DNMT3A: variants seen among roughly 807,000 people sequenced by gnomAD.
DNMT3A encodes DNA (cytosine-5)-methyltransferase 3A.
A neutral mutation model predicts 117.6 loss-of-function variants in DNMT3A; 267 were observed. That is an observed-to-expected ratio of 2.27 (90% CI 2.05 to 2.51). The LOEUF is 2.51. DNMT3A is among the 30% of genes most tolerant of loss of function. DNMT3A has a pLI of 0.00. For synonymous variants in DNMT3A, 432 were observed against 474.8 expected (o/e 0.91, Z 1.17); for missense variants, 1,029 against 1,260.2 (o/e 0.82, Z 2.78).
intron 1 of DNMT3A, among the ~76,000 whole-genome samples, chr2:25,338,739 C>T (rs1046537869): frequency 3.3e-5 from 5 of 152,190 alleles, no homozygotes; most frequent in Non-Finnish European, 5.9e-5. Context: ...GGGGCATCTT[C>T]CCCCGAGTGC....
chr2:25,244,056 G>A (rs1674410691), intron 15 of DNMT3A, 74 bp from the exon 16 acceptor site: 1 of 1,578,092 alleles, frequency 6.3e-7, no homozygotes, highest in East Asian at 2.3e-5. Context: ...TGGCCCTCCA[G>A]CCAGGCTCCT....
Position 25,281,649 on chromosome 2 carries a change from A to G in DNMT3A, c.448+792T>C. On this transcript the variant is annotated intron_variant, in intron 4 of 22. Transcript: ENST00000321117. This position sits in a 1 kb window ranked among gnomAD's most constrained non-coding sequence, Gnocchi z 4.8. ...CTGGGAGGATCAAATGTGATAATGT[A>G]TGAGAAAGCGCTTTGTAAACTGTGA... 9.4e-7 allele frequency: 1 copy of G among 1,065,302 alleles called. No homozygotes were observed. Among genetic ancestry groups the G allele is most frequent in the Non-Finnish European group, 1.1e-6 (1 of 879,208 alleles). 66.0% of individuals were successfully genotyped at this position (1,065,302 alleles called of 1,614,324 possible).
chr2:25,283,277 G>A (rs758166393), intron 3 of DNMT3A, among the ~76,000 whole-genome samples: 11 of 149,610 alleles, frequency 7.4e-5, no homozygotes, highest in Non-Finnish European at 1.5e-4. Flanking sequence ...CAGGAGAACC[G>A]CTTGAACCTG....
Position 25,245,286 on chromosome 2 carries a change from G to C in DNMT3A, c.1521C>G (p.Pro507=). ...CGSLNVTLEH[P]LFVGGMCQNC... ...TTTGGCACATTCCTCCAACGAAGAG[G>C]GGGTGTTCCAGGGTAACATTGAGGC... The change falls in exon 13 of 23, where the codon CCC becomes CCG. Residue 507 remains proline (P), a synonymous_variant. Transcript: ENST00000321117. The C allele has an allele frequency of 2.5e-6, 4 of 1,613,984 alleles. No homozygotes were observed. Among genetic ancestry groups the C allele is most frequent in the South Asian group, 2.2e-5 (2 of 90,962 alleles).
At chr2:25,312,439 C>T (rs1205583913) in intron 2 of DNMT3A, among the ~76,000 whole-genome samples, 1 of 152,238 alleles carries the variant, frequency 6.6e-6, no homozygotes, top group African/African-American at 2.4e-5. Flanking sequence ...TGACTGGGTG[C>T]ACACACCCCC....
chr2:25,245,121 G>A (rs1674583987), intron 13 of DNMT3A, 132 bp downstream of exon 13: 10 of 781,274 alleles, frequency 1.3e-5, no homozygotes, highest in Non-Finnish European at 1.9e-5. Flanking sequence ...TGCTTCCAGA[G>A]GAAGCTCTGA....
intron 19 of DNMT3A, chr2:25,239,633 G>T: frequency 2.1e-6 from 1 of 477,842 alleles, no homozygotes; most frequent in Admixed American, 2.3e-5. Context: ...GGCTGGGAGA[G>T]CCCAGGCTCC....
intron 3 of DNMT3A, among the ~76,000 whole-genome samples, chr2:25,295,377 A>G (rs1202261021): frequency 6.6e-6 from 1 of 152,148 alleles, no homozygotes; most frequent in African/African-American, 2.4e-5. Flanking sequence ...GCCGGCTCTG[A>G]CTGCAGCATC....
At position 25,294,403 on chromosome 2, in the gene DNMT3A, A is replaced by T. The variant is rs1016342088; in HGVS notation, c.177+5736T>A. Among the ~76,000 whole-genome samples, 4 of 152,086 alleles carry T rather than the reference A, an allele frequency of 2.6e-5. No homozygotes were observed. Among genetic ancestry groups the T allele is most frequent in the African/African-American group, 9.7e-5 (4 of 41,412 alleles). ...TCCTCATGCCTTCCAAAACATGAGG[A>T]GACAGAGTGGGCAGCAGCGTGTACT... On this transcript the variant is annotated intron_variant, in intron 3 of 22. Transcript: ENST00000321117. This position sits in a 1 kb window ranked among gnomAD's most constrained non-coding sequence, Gnocchi z 4.7.
At chr2:25,244,927 C>G (rs1343815204) in intron 13 of DNMT3A, among the ~76,000 whole-genome samples, 1 of 152,244 alleles carries the variant, frequency 6.6e-6, no homozygotes, top group Non-Finnish European at 1.5e-5. Flanking sequence ...CTGGGTTTTT[C>G]TCCTGGGCTC....
At position 25,252,637 on chromosome 2, in the gene DNMT3A, G is replaced by GAGGGA. The variant is rs1255342405; in HGVS notation, c.640-4390_640-4386dup. ...GCGCGGGGCCGGGGGGCCGGGAGGG[G>GAGGGA]AGGGAAGGGGCTGCTCCCGAGCCGC... On this transcript the variant is annotated intron_variant, in intron 6 of 22. Coordinates refer to ENST00000321117, the MANE Select transcript of DNMT3A (RefSeq NM_022552.5). The surrounding 1 kb of genome is among the most constrained non-coding windows in gnomAD (Gnocchi z 5.5). Among the ~76,000 whole-genome samples the GAGGGA allele has an allele frequency of 6.6e-6, 1 of 152,106 alleles. No individual in the cohort carries two copies. The highest frequency in any genetic ancestry group is 1.5e-5 in the Non-Finnish European group (1 of 67,984).
rs141945545 is a variant in DNMT3A, at chr2:25,229,143, G to A, written c.*5136C>T. On this transcript the variant is annotated 3_prime_UTR_variant, in exon 23 of 23. Coordinates refer to ENST00000321117, the MANE Select transcript of DNMT3A (RefSeq NM_022552.5). ...CTGGGTCTCGGAAACACAGAGGCAA[G>A]GTTCCCCAACTCGATCCTCAAAGAC... is the stretch of plus-strand genomic sequence containing the variant. The A allele has an allele frequency of 6.6e-6, 1 of 152,410 alleles. No homozygotes were observed. Among genetic ancestry groups the A allele is most frequent in the Non-Finnish European group, 1.5e-5 (1 of 68,086 alleles). The allele number at this position is 152,410 out of a possible 1,614,324, so 9.4% of individuals were successfully genotyped here.
In DNMT3A at chr2:25,234,466, C is replaced by A. The variant is rs2149253583; in HGVS notation, c.2598-46G>T. 6.3e-7 allele frequency: 1 copy of A among 1,576,032 alleles called. No homozygotes were observed. Among genetic ancestry groups the A allele is most frequent in the Non-Finnish European group, 8.6e-7 (1 of 1,156,418 alleles). ...AGGGCAGGGTGAGTGCTGGCCAGACCAGGCTGCCCGGAAGCCGTCTAACCA... is the reference window on the plus strand; with the variant it reads ...AGGGCAGGGTGAGTGCTGGCCAGACAAGGCTGCCCGGAAGCCGTCTAACCA... On this transcript the variant is annotated intron_variant, in intron 22 of 22. Coordinates refer to ENST00000321117, the MANE Select transcript of DNMT3A (RefSeq NM_022552.5). This position sits in a 1 kb window ranked among gnomAD's most constrained non-coding sequence, Gnocchi z 4.5.
chr2:25,312,396 G>A (rs564322519), intron 2 of DNMT3A, among the ~76,000 whole-genome samples: 74 of 152,350 alleles, frequency 4.9e-4, no homozygotes, highest in African/African-American at 1.6e-3. Context: ...CCAGTGGGCC[G>A]CAGCGCATGC....
intron 6 of DNMT3A, chr2:25,249,600 CAAATT>C: frequency 6.2e-7 from 1 of 1,607,284 alleles, no homozygotes; most frequent in Middle Eastern, 1.7e-4. Context: ...ATCCCACCAA[CAAATT>C]AATAAGCCAA....
chr2:25,243,190 A>G (rs952468772), intron 16 of DNMT3A, among the ~76,000 whole-genome samples: 1 of 152,016 alleles, frequency 6.6e-6, no homozygotes, highest in Admixed American at 6.6e-5. Context: ...CTGCAGTCCC[A>G]GCTACTCGGG....
intron 3 of DNMT3A, among the ~76,000 whole-genome samples, chr2:25,284,645 T>TGAAAAAAAAAAAAAAAAAA (rs1287436463): frequency 6.0e-5 from 1 of 16,632 alleles, no homozygotes; most frequent in Non-Finnish European, 9.7e-5. Context: ...AGACTCCATC[T>TGAAAAAAAAAAAAAAAAAA]AAAAAAAAAA....
rs754087407 is a variant in DNMT3A, at chr2:25,282,763, C to T, written c.178-52G>A. ...AGGAGGGTTAGATCAGTGGGCTTAG[C>T]CTGTTTTGGATCATTGACCGCTCTG... On this transcript the variant is annotated intron_variant, in intron 3 of 22. Coordinates refer to ENST00000321117, the MANE Select transcript of DNMT3A (RefSeq NM_022552.5). The surrounding 1 kb of genome is among the most constrained non-coding windows in gnomAD (Gnocchi z 5.2). 1 of 1,491,188 alleles carries T rather than the reference C, an allele frequency of 6.7e-7. No individual in the cohort carries two copies. The highest frequency in any genetic ancestry group is 2.5e-5 in the Admixed American group (1 of 40,662). The allele number at this position is 1,491,188 out of a possible 1,614,324, so 92.4% of individuals were successfully genotyped here. A position where few individuals can be genotyped will look rare whatever the true frequency, so the allele number is the denominator to read the frequency against.
Position 25,286,793 on chromosome 2 carries a change from G to A in DNMT3A, c.178-4082C>T, listed in dbSNP as rs1441971788. On this transcript the variant is annotated intron_variant, in intron 3 of 22. Coordinates refer to ENST00000321117, the MANE Select transcript of DNMT3A (RefSeq NM_022552.5). The surrounding 1 kb of genome is among the most constrained non-coding windows in gnomAD (Gnocchi z 4.3). Reference sequence around the variant, plus strand: ...CCTGGTGAGAAGGGCAGAAACCTCAGCCTGGAAGCCCAGGAGGGAGGGGCA... The same window carrying A: ...CCTGGTGAGAAGGGCAGAAACCTCAACCTGGAAGCCCAGGAGGGAGGGGCA... 6.6e-6 allele frequency among the ~76,000 whole-genome samples: 1 copy of A among 152,214 alleles called. No individual in the cohort carries two copies. Among genetic ancestry groups the A allele is most frequent in the Non-Finnish European group, 1.5e-5 (1 of 68,040 alleles).
Sources: allele counts gnomAD v4.1 joint callset (sites outside exome capture counted in the v4.1 genomes callset), GRCh38; gene constraint gnomAD v4.1.1; non-coding constraint Gnocchi (gnomAD v3.1); transcripts MANE v1.5; gene names NCBI Gene and HGNC (gene_info 2026-07-23, HGNC 2026-07-21).